Variants in SEL1L2 observed in about 807,000 individuals in gnomAD.
SEL1L2 encodes the protein SEL1L2 adaptor subunit of SYVN1 ubiquitin ligase, also known as protein sel-1 homolog 2.
A neutral mutation model predicts 98.8 loss-of-function variants in SEL1L2; 89 were observed. The observed-to-expected ratio is 0.90, with a 90% CI of 0.76 to 1.07. The LOEUF (loss-of-function observed/expected upper bound fraction) is 1.07. SEL1L2 is among the 50% of genes least tolerant of loss of function. SEL1L2 has a pLI of 0.00. For synonymous variants in SEL1L2, 262 were observed against 278.5 expected, an observed-to-expected ratio of 0.94 and a Z score of 0.59; for missense variants, 788 against 812.0, an observed-to-expected ratio of 0.97 and a Z score of 0.36.
At chr20:13,874,728 A>G (rs1214947435) in intron 12 of SEL1L2, among the ~76,000 whole-genome samples, 2 of 152,172 alleles carry the variant, frequency 1.3e-5, no homozygotes, top group Admixed American at 1.3e-4. Context: ...TTTACACCAC[A>G]ATAGCAGCAG....
chr20:13,871,206 C>T (rs1049060277), intron 12 of SEL1L2, among the ~76,000 whole-genome samples: 7 of 151,990 alleles, frequency 4.6e-5, no homozygotes, highest in Non-Finnish European at 8.8e-5. Flanking sequence ...AGTAAAGCAT[C>T]GTTGGTATAT....
intron 3 of SEL1L2, among the ~76,000 whole-genome samples, chr20:13,926,197 C>G (rs1237835953): frequency 6.6e-6 from 1 of 152,184 alleles, no homozygotes; most frequent in Non-Finnish European, 1.5e-5. Flanking sequence ...CGCCCGTAGT[C>G]CCAGCTACTC....
intron 18 of SEL1L2, among the ~76,000 whole-genome samples, chr20:13,854,430 C>A (rs1988811565): frequency 6.6e-6 from 1 of 152,188 alleles, no homozygotes; most frequent in Non-Finnish European, 1.5e-5. Context: ...CAGGACCTGG[C>A]AGTGCTGATT....
Position 13,865,228 on chromosome 20 carries a change from A to G in SEL1L2, c.1584T>C (p.Ile528=), listed in dbSNP as rs1392207043. 6.2e-7 allele frequency: 1 copy of G among 1,613,556 alleles called. No individual in the cohort carries two copies. Among genetic ancestry groups the G allele is most frequent in the Admixed American group, 1.7e-5 (1 of 59,980 alleles). ...AFILESKKAN[I]LEKEKMYPMA... is the part of the protein sequence containing the mutation. ...TTGGATACATCTTCTCTTTTTCAAG[A>G]ATGTTAGCCTTTTCTAAAAAGAGGA... Residue 528 remains isoleucine, a synonymous_variant, in exon 17 of 20, where the codon ATT becomes ATC. Transcript: ENST00000284951.
Position 13,875,966 on chromosome 20 carries a change from C to T in SEL1L2, c.1104+72G>A, listed in dbSNP as rs2046407804. On this transcript the variant is annotated intron_variant, in intron 12 of 19. Coordinates refer to ENST00000284951, the MANE Select transcript of SEL1L2 (RefSeq NM_025229.2). ...TGGGCTTGGGACTTCGAAGTCAATT[C>T]TTTGGCACCAGTCTGCGTGTAATAA... 5 of 1,196,456 alleles carry T rather than the reference C, an allele frequency of 4.2e-6. No homozygotes were observed. In the South Asian group the frequency reaches 6.1e-5, roughly 15 times the overall value. The allele number at this position is 1,196,456 out of a possible 1,614,324, so 74.1% of individuals were successfully genotyped here.
At chr20:13,977,582 C>A (rs183133892) in intron 1 of SEL1L2, among the ~76,000 whole-genome samples, 110 of 151,998 alleles carry the variant, frequency 7.2e-4, no homozygotes, top group African/African-American at 2.6e-3. Flanking sequence ...ACTTATGAAC[C>A]CTTATGTGCA....
rs139543880 is a variant in SEL1L2, at chr20:13,883,907, T to C, written c.957+1440A>G. 7.5e-3 allele frequency among the ~76,000 whole-genome samples: 1,139 copies of C among 152,338 alleles called. 14 individuals carry two copies. Among genetic ancestry groups the C allele is most frequent in the Non-Finnish European group, 9.3e-3 (636 of 68,034 alleles). ...ATGAGAAACTCATTGCAGGCTGAAA[T>C]CTGACAGAGTAAAATTATGAATCCA... On this transcript the variant is annotated intron_variant, in intron 10 of 19. Coordinates refer to ENST00000284951, the MANE Select transcript of SEL1L2 (RefSeq NM_025229.2).
chr20:13,931,621 TCAA>T lies in SEL1L2; in HGVS notation c.262_264del (p.Leu88del). 10 of 1,415,168 alleles carry T rather than the reference TCAA, an allele frequency of 7.1e-6. No individual in the cohort carries two copies. Among genetic ancestry groups the T allele is most frequent in the Non-Finnish European group, 8.7e-6 (9 of 1,037,348 alleles). 87.7% of individuals were successfully genotyped at this position (1,415,168 alleles called of 1,614,324 possible). A position where few individuals can be genotyped will look rare whatever the true frequency, so the allele number is the denominator to read the frequency against. ...TACTTACAATGATTCTTATTTCTCT[TCAA>T]GATATCTTTATTTTGAATTCCTTTT... On this transcript the variant is annotated inframe_deletion, in exon 3 of 20. Coordinates refer to ENST00000284951, the MANE Select transcript of SEL1L2 (RefSeq NM_025229.2).
At chr20:13,888,150 G>T in intron 6 of SEL1L2, 149 bp from the exon 7 acceptor site, 1 of 699,732 alleles carries the variant, frequency 1.4e-6, no homozygotes, top group South Asian at 1.9e-5. Flanking sequence ...ACTCTCCTTT[G>T]TAAAGATGTT....
intron 5 of SEL1L2, among the ~76,000 whole-genome samples, chr20:13,893,287 G>T (rs2047281848): frequency 6.6e-6 from 1 of 152,054 alleles, no homozygotes; most frequent in Admixed American, 6.6e-5. Flanking sequence ...AGAAAATAAA[G>T]TTCCCCCTTT....
At position 13,866,911 on chromosome 20, in the gene SEL1L2, A is replaced by G; in HGVS notation, c.1256-61T>C. 6.2e-6 allele frequency: 9 copies of G among 1,453,026 alleles called. No individual in the cohort carries two copies. In the Admixed American group the frequency reaches 2.0e-4, roughly 33 times the overall value. The allele number at this position is 1,453,026 out of a possible 1,614,324, so 90.0% of individuals were successfully genotyped here. On this transcript the variant is annotated intron_variant, in intron 14 of 19. Coordinates refer to ENST00000284951, the MANE Select transcript of SEL1L2 (RefSeq NM_025229.2). ...GACTTTATTTTTTATATTATAATCT[A>G]TGGATATAATAGTCATAGTGATGCC...
intron 12 of SEL1L2, among the ~76,000 whole-genome samples, chr20:13,871,578 C>G (rs1009620822): frequency 1.3e-5 from 2 of 151,312 alleles, no homozygotes; most frequent in Non-Finnish European, 2.9e-5. Flanking sequence ...GTGAGGTGAT[C>G]TCGGCTCACT....
At chr20:13,938,098 T>G (rs1450179772) in intron 2 of SEL1L2, among the ~76,000 whole-genome samples, 2 of 151,286 alleles carry the variant, frequency 1.3e-5, no homozygotes, top group African/African-American at 4.8e-5. Context: ...TTTTTTTTTT[T>G]GAGAGGGAGT....
At chr20:13,907,700 CT>C (rs2048000698) in intron 5 of SEL1L2, among the ~76,000 whole-genome samples, 4 of 125,656 alleles carry the variant, frequency 3.2e-5, no homozygotes, top group East Asian at 2.3e-4. Context: ...TTCTTTCTTT[CT>C]CTTTCTTTCT....
intron 4 of SEL1L2, among the ~76,000 whole-genome samples, chr20:13,916,716 G>A (rs1178792763): frequency 6.6e-6 from 1 of 152,170 alleles, no homozygotes; most frequent in African/African-American, 2.4e-5. Context: ...TGAGGCAGGA[G>A]AATCGCTTGA....
Position 13,849,341 on chromosome 20 carries a change from G to T in SEL1L2, c.*144C>A. 1 of 1,044,574 alleles carries T rather than the reference G, an allele frequency of 9.6e-7. No homozygotes were observed. Among genetic ancestry groups the T allele is most frequent in the Non-Finnish European group, 1.4e-6 (1 of 711,706 alleles). The allele number at this position is 1,044,574 out of a possible 1,614,324, so 64.7% of individuals were successfully genotyped here. ...AGTCTGAAGTTGTTTCTCTAGGATGGTCCCCAAGTCTTGTCTGTTTCCCAT... is the reference window on the plus strand; with the variant it reads ...AGTCTGAAGTTGTTTCTCTAGGATGTTCCCCAAGTCTTGTCTGTTTCCCAT... On this transcript the variant is annotated 3_prime_UTR_variant, in exon 20 of 20. Transcript: ENST00000284951.
chr20:13,913,305 A>G (rs2048277207), intron 5 of SEL1L2, among the ~76,000 whole-genome samples: 1 of 152,268 alleles, frequency 6.6e-6, no homozygotes, highest in African/African-American at 2.4e-5. Context: ...ATGTAAAAAG[A>G]GAAATGCACA....
At chr20:13,915,808 A>G (rs545163060) in intron 4 of SEL1L2, among the ~76,000 whole-genome samples, 2 of 152,240 alleles carry the variant, frequency 1.3e-5, no homozygotes, top group African/African-American at 4.8e-5. Context: ...CCAAAAGGAA[A>G]AAGGTGGGAG....
At position 13,966,879 on chromosome 20, in the gene SEL1L2, C is replaced by CTTT. The variant is rs35292120; in HGVS notation, c.59-10751_59-10749dup. The stretch of plus-strand genomic sequence containing the variant: ...TCTTTCTCTGTTACCAGAGACCTGT[C>CTTT]TTTTTTTTTTTTTTTTTTTTGAGAT... On this transcript the variant is annotated intron_variant, in intron 1 of 19. Transcript: ENST00000284951. 4.1e-3 allele frequency among the ~76,000 whole-genome samples: 431 copies of CTTT among 104,098 alleles called. 16 individuals are homozygous for CTTT. Among genetic ancestry groups the CTTT allele is most frequent in the East Asian group, 0.018 (61 of 3,436 alleles). The allele number at this position is 104,098 out of a possible 152,430, so 68.3% of individuals were successfully genotyped here. A position where few individuals can be genotyped will look rare whatever the true frequency, so the allele number is the denominator to read the frequency against.
Sources: allele counts gnomAD v4.1 joint callset (sites outside exome capture counted in the v4.1 genomes callset), GRCh38; gene constraint gnomAD v4.1.1; transcripts MANE v1.5; gene names NCBI Gene and HGNC (gene_info 2026-07-23, HGNC 2026-07-21).